GNG2: variants seen among roughly 807,000 people sequenced by gnomAD.
GNG2 encodes the protein G protein subunit gamma 2, also known as guanine nucleotide-binding protein G(I)/G(S)/G(O) subunit gamma-2.
Under a neutral mutation model 5.5 loss-of-function variants are expected in GNG2, and 5 were observed. The observed-to-expected ratio is 0.91, with a 90% CI of 0.48 to 1.92. The LOEUF (loss-of-function observed/expected upper bound fraction) is 1.92. Ranked by LOEUF, GNG2 falls within the 30% of genes most tolerant of loss-of-function variation. The pLI is 0.01. For missense variants in GNG2, 55 were observed against 88.4 expected (o/e 0.62, Z 1.52); for synonymous variants, 28 against 32.0 (o/e 0.88, Z 0.42).
chr14:51,904,825 T>TA (rs1256700577), intron 2 of GNG2, among the ~76,000 whole-genome samples: 1 of 152,216 alleles, frequency 6.6e-6, no homozygotes, highest in Non-Finnish European at 1.5e-5. Context: ...TTCATTTCTT[T>TA]AAAAAATTAT....
intron 2 of GNG2, among the ~76,000 whole-genome samples, chr14:51,899,879 T>C (rs1186388681): frequency 6.6e-6 from 1 of 152,256 alleles, no homozygotes; most frequent in Non-Finnish European, 1.5e-5. Flanking sequence ...CCATTGGAAG[T>C]ATTTGTCATG....
At chr14:51,883,110 C>T (rs1419815429) in intron 2 of GNG2, among the ~76,000 whole-genome samples, 2 of 151,370 alleles carry the variant, frequency 1.3e-5, no homozygotes, top group Non-Finnish European at 2.9e-5. Flanking sequence ...TATATAAATA[C>T]TTTTTATTAA....
At chr14:51,892,819 A>G (rs1884946572) in intron 2 of GNG2, among the ~76,000 whole-genome samples, 1 of 152,188 alleles carries the variant, frequency 6.6e-6, no homozygotes, top group Non-Finnish European at 1.5e-5. Context: ...AATTTATGAA[A>G]TTGTTATTTT....
intron 2 of GNG2, among the ~76,000 whole-genome samples, chr14:51,925,421 G>A (rs1308757840): frequency 6.6e-6 from 1 of 152,188 alleles, no homozygotes; most frequent in Non-Finnish European, 1.5e-5. Context: ...CAATAGACCT[G>A]AATAGATTCT....
intron 2 of GNG2, among the ~76,000 whole-genome samples, chr14:51,917,628 CT>C (rs963701709): frequency 2.6e-5 from 4 of 152,158 alleles, no homozygotes; most frequent in Non-Finnish European, 4.4e-5. Flanking sequence ...AAAAATCAGA[CT>C]TTTTTTTAAT....
At chr14:51,883,655 T>C (rs1291211696) in intron 2 of GNG2, among the ~76,000 whole-genome samples, 1 of 152,182 alleles carries the variant, frequency 6.6e-6, no homozygotes, top group African/African-American at 2.4e-5. Context: ...TCTTACAATA[T>C]GATTCATGGA....
intron 2 of GNG2, among the ~76,000 whole-genome samples, chr14:51,921,326 A>T (rs1270154799): frequency 6.6e-6 from 1 of 152,232 alleles, no homozygotes; most frequent in Non-Finnish European, 1.5e-5. Flanking sequence ...TATGGTATGT[A>T]AGAAGTGTTA....
chr14:51,921,104 A>G lies in GNG2; in HGVS notation c.-29-29546A>G, dbSNP rs571730112. 4.6e-5 allele frequency among the ~76,000 whole-genome samples: 7 copies of G among 152,308 alleles called. No individual in the cohort carries two copies. In the East Asian group the frequency reaches 1.2e-3, roughly 25 times the overall value. On this transcript the variant is annotated intron_variant, in intron 2 of 3. Transcript: ENST00000556766. Reference sequence around the variant, plus strand: ...CATATTCAGTGTCCTAAAAGGCTGTATTGTATAGTGAAAAAAGGTACAGAC... The same window carrying G: ...CATATTCAGTGTCCTAAAAGGCTGTGTTGTATAGTGAAAAAAGGTACAGAC...
chr14:51,908,655 C>T (rs1343207478), intron 2 of GNG2, among the ~76,000 whole-genome samples: 2 of 126,936 alleles, frequency 1.6e-5, no homozygotes, highest in Non-Finnish European at 3.6e-5. Flanking sequence ...CTGCAGCCTC[C>T]GCCTCCTGGG....
intron 2 of GNG2, among the ~76,000 whole-genome samples, chr14:51,906,701 G>A (rs982984696): frequency 1.3e-5 from 2 of 150,080 alleles, no homozygotes; most frequent in Admixed American, 1.3e-4. Context: ...CTATAATCAC[G>A]AAAATAGAAC....
chr14:51,847,876 TTTTTC>T (rs376917665), intron 2 of GNG2, among the ~76,000 whole-genome samples: 21,673 of 53,466 alleles, frequency 0.41, 5,104 homozygotes, highest in South Asian at 0.6. Flanking sequence ...ATACAGGTCC[TTTTTC>T]TTTTTTTTTT....
At chr14:51,943,749 A>G (rs1453584215) in intron 2 of GNG2, among the ~76,000 whole-genome samples, 1 of 152,200 alleles carries the variant, frequency 6.6e-6, no homozygotes, top group African/African-American at 2.4e-5. Flanking sequence ...CCAGGAAGGT[A>G]AAAGACTTAT....
At chr14:51,897,633 A>G (rs1332192263) in intron 2 of GNG2, among the ~76,000 whole-genome samples, 1 of 152,228 alleles carries the variant, frequency 6.6e-6, no homozygotes. Flanking sequence ...ACATAAGCCC[A>G]TGTTTAATGT....
chr14:51,942,589 C>CTTTCTTTCTTTTTTTTTTTTT (rs761049973), intron 2 of GNG2, among the ~76,000 whole-genome samples: 1 of 81,146 alleles, frequency 1.2e-5, no homozygotes, highest in African/African-American at 5.9e-5. Flanking sequence ...TTCTTTCTTT[C>CTTTCTTTCTTTTTTTTTTTTT]TTTTTTTTTT....
At chr14:51,835,889 C>G (rs1261087591) in intron 2 of GNG2, among the ~76,000 whole-genome samples, 2 of 152,040 alleles carry the variant, frequency 1.3e-5, no homozygotes, top group African/African-American at 2.4e-5. Context: ...AATGTCCAGT[C>G]TTAGAAGTTT....
intron 2 of GNG2, among the ~76,000 whole-genome samples, chr14:51,831,299 T>G (rs750142460): frequency 6.6e-6 from 1 of 152,230 alleles, no homozygotes; most frequent in African/African-American, 2.4e-5. Context: ...CTGTATTTGT[T>G]TGTTTATTAC....
chr14:51,846,196 A>C (rs891056620), intron 2 of GNG2, among the ~76,000 whole-genome samples: 11 of 152,236 alleles, frequency 7.2e-5, no homozygotes, highest in African/African-American at 2.4e-4. Flanking sequence ...ACTCAGATAT[A>C]ATCATGAAAA....
At chr14:51,910,927 T>C (rs1315708547) in intron 2 of GNG2, among the ~76,000 whole-genome samples, 1 of 152,254 alleles carries the variant, frequency 6.6e-6, no homozygotes, top group African/African-American at 2.4e-5. Context: ...TGGAATTAGC[T>C]GACAGAGCTT....
chr14:51,949,777 TA>T (rs1888864956), intron 2 of GNG2, among the ~76,000 whole-genome samples: 1 of 152,108 alleles, frequency 6.6e-6, no homozygotes, highest in African/African-American at 2.4e-5. Context: ...GCAACGGGAA[TA>T]AAATAAGGTA....
Sources: allele counts gnomAD v4.1 joint callset (sites outside exome capture counted in the v4.1 genomes callset), GRCh38; gene constraint gnomAD v4.1.1; transcripts MANE v1.5; gene names NCBI Gene and HGNC (gene_info 2026-07-23, HGNC 2026-07-21).